The following SRFBP1 variants were observed in gnomAD, a reference collection of about 807,000 sequenced individuals.
SRFBP1 encodes serum response factor-binding protein 1.
Under a neutral mutation model 45.5 loss-of-function variants are expected in SRFBP1, and 47 were observed. The observed-to-expected ratio is 1.03, with a 90% CI of 0.82 to 1.32. The LOEUF (loss-of-function observed/expected upper bound fraction) is 1.32. Ranked by LOEUF, SRFBP1 falls within the 40% of genes most tolerant of loss-of-function variation. SRFBP1 has a pLI of 0.00. For synonymous variants in SRFBP1, 203 were observed against 166.3 expected (o/e 1.22, Z -1.70); for missense variants, 621 against 484.6 (o/e 1.28, Z -2.64).
downstream of SRFBP1, among the ~76,000 whole-genome samples, chr5:122,029,979 A>G (rs1247530492): frequency 5.3e-5 from 8 of 152,192 alleles, 1 homozygote; most frequent in Admixed American, 5.2e-4. Context: ...ATATATTTAC[A>G]TATTTGAAAG....
At chr5:122,037,025 A>T (rs1753704320) in intron 2 of SRFBP1, among the ~76,000 whole-genome samples, 1 of 151,656 alleles carries the variant, frequency 6.6e-6, no homozygotes, top group Admixed American at 6.6e-5. Flanking sequence ...CAAGCTCCCG[A>T]GTAGCTGGGA....
chr5:122,021,368 A>C (rs1334973933), intron 6 of SRFBP1, among the ~76,000 whole-genome samples: 2 of 152,128 alleles, frequency 1.3e-5, no homozygotes, highest in Non-Finnish European at 2.9e-5. Context: ...TTGTAATTCC[A>C]ATTTGATAAA....
intron 2 of SRFBP1, among the ~76,000 whole-genome samples, chr5:122,039,545 C>T (rs10059408): frequency 0.12 from 17,831 of 152,186 alleles, 1,134 homozygotes; most frequent in Non-Finnish European, 0.14. Context: ...AAAATGATTA[C>T]ATGATTTTCA....
intron 1 of SRFBP1, among the ~76,000 whole-genome samples, chr5:121,973,498 TTATAAC>T (rs1752241200): frequency 6.6e-6 from 1 of 151,814 alleles, no homozygotes; most frequent in African/African-American, 2.4e-5. Flanking sequence ...TGTATTTTTT[TTATAAC>T]TATAATTTCC....
intron 2 of SRFBP1, chr5:122,074,292 A>G: frequency 1.3e-6 from 1 of 754,788 alleles, no homozygotes; most frequent in Non-Finnish European, 2.1e-6. Flanking sequence ...GACCAAATTT[A>G]TCTTCTAAAA....
At chr5:122,036,052 G>C (rs7715316) in intron 2 of SRFBP1, among the ~76,000 whole-genome samples, 5,172 of 152,244 alleles carry the variant, frequency 0.034, 308 homozygotes, top group African/African-American at 0.12. Flanking sequence ...TACAGGAAGG[G>C]GTTAACTCAG....
At chr5:122,077,991 CT>C, downstream of SRFBP1, 1 of 1,446,410 alleles carries the variant, frequency 6.9e-7, no homozygotes. The surrounding 1 kb of genome is among the most constrained non-coding windows in gnomAD (Gnocchi z 4.9). Context: ...CGCATCACTC[CT>C]TTTGCCAGAT....
At chr5:121,999,894 T>A (rs1267863302) in intron 4 of SRFBP1, among the ~76,000 whole-genome samples, 1 of 152,158 alleles carries the variant, frequency 6.6e-6, no homozygotes, top group African/African-American at 2.4e-5. Context: ...TCCAATCTGA[T>A]AATCTCTCTT....
intron 3 of SRFBP1, among the ~76,000 whole-genome samples, chr5:121,978,817 C>T (rs555349791): frequency 1.3e-5 from 2 of 152,200 alleles, no homozygotes; most frequent in African/African-American, 2.4e-5. Flanking sequence ...TTAACCTCTT[C>T]CTCTCTTAAG....
At chr5:121,964,857 G>C (rs773962235) in intron 1 of SRFBP1, among the ~76,000 whole-genome samples, 5 of 152,106 alleles carry the variant, frequency 3.3e-5, no homozygotes, top group Non-Finnish European at 7.4e-5. Flanking sequence ...AGCATCTGTT[G>C]TTTCCTGACT....
At chr5:122,043,281 T>C (rs1753799683) in intron 2 of SRFBP1, among the ~76,000 whole-genome samples, 1 of 151,998 alleles carries the variant, frequency 6.6e-6, no homozygotes, top group South Asian at 2.1e-4. Flanking sequence ...AGTGGTGCGA[T>C]TTTGGCTCAC....
chr5:122,012,100 C>G lies in SRFBP1; in HGVS notation c.271-7160C>G, dbSNP rs532306760. On this transcript the variant is annotated intron_variant, in intron 4 of 7. Coordinates refer to ENST00000339397, the MANE Select transcript of SRFBP1 (RefSeq NM_152546.3). ...GAATTCAGAAAACAGATTTTGAGTT[C>G]TAGCTTGTTCCTAATTGGCTAGGTA... Among the ~76,000 whole-genome samples the G allele has an allele frequency of 6.2e-4, 95 of 152,204 alleles. 1 individual carries two copies. In the South Asian group the frequency reaches 0.02, roughly 32 times the overall value.
At chr5:122,054,463 G>T (rs569049863) in intron 2 of SRFBP1, among the ~76,000 whole-genome samples, 1 of 152,142 alleles carries the variant, frequency 6.6e-6, no homozygotes, top group African/African-American at 2.4e-5. Flanking sequence ...TGCAGGGTCC[G>T]TGTTCACTAG....
chr5:122,007,001 C>T (rs1032152786), intron 4 of SRFBP1, among the ~76,000 whole-genome samples: 15 of 151,952 alleles, frequency 9.9e-5, no homozygotes, highest in Non-Finnish European at 2.1e-4. Flanking sequence ...TTGATTTTTG[C>T]ATATTTACAG....
At chr5:122,023,403 A>G (rs1201322441) in intron 7 of SRFBP1, among the ~76,000 whole-genome samples, 2 of 152,186 alleles carry the variant, frequency 1.3e-5, no homozygotes, top group Non-Finnish European at 2.9e-5. Flanking sequence ...CATGGATGAG[A>G]TTCTTCAAAG....
chr5:122,043,675 CTACTT>C (rs1292741471), intron 2 of SRFBP1, among the ~76,000 whole-genome samples: 2 of 152,042 alleles, frequency 1.3e-5, no homozygotes, highest in African/African-American at 4.8e-5. Flanking sequence ...TTTGTATACT[CTACTT>C]AATAATACTC....
At chr5:122,044,742 A>C (rs1020055868) in intron 2 of SRFBP1, among the ~76,000 whole-genome samples, 2 of 151,996 alleles carry the variant, frequency 1.3e-5, no homozygotes, top group Admixed American at 1.3e-4. Context: ...AATTCCTTAT[A>C]GATTCTGGAT....
At chr5:122,041,365 A>C (rs549461168) in intron 2 of SRFBP1, among the ~76,000 whole-genome samples, 1 of 152,164 alleles carries the variant, frequency 6.6e-6, no homozygotes, top group Admixed American at 6.6e-5. Flanking sequence ...GAAAGCAATC[A>C]GTATAGGTAT....
chr5:122,039,212 T>C (rs1205454588), intron 2 of SRFBP1, among the ~76,000 whole-genome samples: 1 of 152,168 alleles, frequency 6.6e-6, no homozygotes, highest in Non-Finnish European at 1.5e-5. Context: ...CCTAATATGC[T>C]GGGCCTGGTG....
Sources: allele counts gnomAD v4.1 joint callset (sites outside exome capture counted in the v4.1 genomes callset), GRCh38; gene constraint gnomAD v4.1.1; non-coding constraint Gnocchi (gnomAD v3.1); transcripts MANE v1.5; gene names NCBI Gene and HGNC (gene_info 2026-07-23, HGNC 2026-07-21).